OCIAD2: variants seen among roughly 807,000 people sequenced by gnomAD.
OCIAD2 encodes OCIA domain containing 2.
A neutral mutation model predicts 22.9 loss-of-function variants in OCIAD2; 29 were observed. The observed-to-expected ratio is 1.27, with a 90% CI of 0.94 to 1.73. The LOEUF is 1.73. Ranked by LOEUF, OCIAD2 falls within the 40% of genes most tolerant of loss-of-function variation. The pLI is 0.00. For synonymous variants in OCIAD2, 67 were observed against 60.2 expected, an observed-to-expected ratio of 1.11 and a Z score of -0.52; for missense variants, 189 against 180.3, an observed-to-expected ratio of 1.05 and a Z score of -0.28.
At position 48,887,514 on chromosome 4, in the gene OCIAD2, A is replaced by G. The variant is rs555767842; in HGVS notation, c.384-1949T>C. Among the ~76,000 whole-genome samples the G allele has an allele frequency of 1.8e-4, 28 of 152,324 alleles. No individual in the cohort carries two copies. The South Asian group carries it at 3.1e-3, about 17-fold the overall frequency. ...TAATCCATCTTGAATAAATTTTTGT[A>G]TAAGGTATAAGGAAGGGATCCAGTT... On this transcript the variant is annotated intron_variant, in intron 6 of 6. Coordinates refer to ENST00000508632, the MANE Select transcript of OCIAD2 (RefSeq NM_001014446.3).
intron 4 of OCIAD2, among the ~76,000 whole-genome samples, chr4:48,896,952 C>T (rs958342618): frequency 3.3e-5 from 5 of 152,078 alleles, no homozygotes; most frequent in Non-Finnish European, 7.4e-5. Flanking sequence ...CGCTAAGAGG[C>T]AGGGAGAGGT....
intron 6 of OCIAD2, among the ~76,000 whole-genome samples, chr4:48,886,295 T>C (rs1052499620): frequency 3.0e-4 from 45 of 152,358 alleles, no homozygotes; most frequent in Non-Finnish European, 4.1e-4. Context: ...ATCTCCTGTT[T>C]TGGTACCAGT....
At chr4:48,890,508 C>CAT (rs1196839167) in intron 6 of OCIAD2, among the ~76,000 whole-genome samples, 3 of 152,080 alleles carry the variant, frequency 2.0e-5, no homozygotes, top group Non-Finnish European at 2.9e-5. Context: ...CATATGTGCA[C>CAT]ATATATATAC....
At chr4:48,896,504 C>T (rs1462602117) in intron 4 of OCIAD2, among the ~76,000 whole-genome samples, 5 of 151,952 alleles carry the variant, frequency 3.3e-5, no homozygotes, top group East Asian at 1.9e-4. Context: ...GAGATGGGAG[C>T]GTCACTCGAG....
intron 6 of OCIAD2, among the ~76,000 whole-genome samples, chr4:48,890,231 A>G (rs1781129071): frequency 1.3e-5 from 2 of 152,032 alleles, no homozygotes; most frequent in South Asian, 4.2e-4. Flanking sequence ...TGTTGTGCAC[A>G]TGTACCCCAG....
Position 48,892,803 on chromosome 4 carries a change from G to A in OCIAD2, c.352C>T (p.Arg118Cys), listed in dbSNP as rs142606057. ...TGCTGTGGACCAAAACCAGCCCCACGGAGCTGATCTTCAAAAAAATGGAAT... is the reference window on the plus strand; with the variant it reads ...TGCTGTGGACCAAAACCAGCCCCACAGAGCTGATCTTCAAAAAAATGGAAT... ...SKFHFFEDQL[R>C]GAGFGPQHNR... The change falls in exon 6 of 7, where the codon CGT becomes TGT. Residue 118 changes from arginine to cysteine, a missense_variant. Physicochemically the swap from Arg to Cys is radical, Grantham distance 180. Transcript: ENST00000508632. 1.6e-4 allele frequency: 265 copies of A among 1,610,028 alleles called. 2 individuals carry two copies. Among genetic ancestry groups the A allele is most frequent in the South Asian group, 1.0e-3 (91 of 90,584 alleles).
chr4:48,890,072 C>A (rs1236095122), intron 6 of OCIAD2, among the ~76,000 whole-genome samples: 1 of 126,492 alleles, frequency 7.9e-6, no homozygotes, highest in African/African-American at 3.1e-5. Flanking sequence ...CACTTGGACA[C>A]AGGAAGGGGA....
intron 6 of OCIAD2, among the ~76,000 whole-genome samples, chr4:48,889,182 A>T (rs879849175): frequency 2.0e-4 from 31 of 152,148 alleles, no homozygotes; most frequent in South Asian, 4.1e-4. Flanking sequence ...ATCAGTGGTG[A>T]TATCCCCTTT....
chr4:48,888,552 T>C (rs969110268), intron 6 of OCIAD2, among the ~76,000 whole-genome samples: 16 of 152,354 alleles, frequency 1.1e-4, no homozygotes, highest in African/African-American at 2.2e-4. Context: ...TGAAGGGCTA[T>C]TGGATTTTGT....
At chr4:48,904,639 G>T in intron 1 of OCIAD2, 28 bp from the exon 2 acceptor site, 1 of 1,139,028 alleles carries the variant, frequency 8.8e-7, no homozygotes, top group Non-Finnish European at 1.3e-6. Context: ...GAATCACTAT[G>T]CCATGACTAA....
At chr4:48,893,030 C>G (rs1247973219) in intron 5 of OCIAD2, 141 bp from the exon 6 acceptor site, 1 of 555,312 alleles carries the variant, frequency 1.8e-6, no homozygotes, top group Non-Finnish European at 3.2e-6. Context: ...AATGAAGTCT[C>G]TATTTAAAAA....
intron 2 of OCIAD2, among the ~76,000 whole-genome samples, chr4:48,900,923 G>C (rs1221052101): frequency 6.6e-6 from 1 of 152,006 alleles, no homozygotes; most frequent in Non-Finnish European, 1.5e-5. Flanking sequence ...AAGTTCATAT[G>C]CTATCATCTA....
chr4:48,896,728 G>A (rs1781310703), intron 4 of OCIAD2, among the ~76,000 whole-genome samples: 1 of 151,856 alleles, frequency 6.6e-6, no homozygotes, highest in African/African-American at 2.4e-5. Context: ...GAGCCCAACA[G>A]TTTGAGGACA....
At chr4:48,905,778 G>A (rs1781511173) in intron 1 of OCIAD2, among the ~76,000 whole-genome samples, 1 of 152,222 alleles carries the variant, frequency 6.6e-6, no homozygotes, top group Admixed American at 6.5e-5. Context: ...TGTGATTACA[G>A]GGGCAGCACG....
Position 48,904,483 on chromosome 4 carries a change from C to T in OCIAD2, c.66+1G>A, listed in dbSNP as rs141238653. 3 of 1,613,190 alleles carry T rather than the reference C, an allele frequency of 1.9e-6. No individual in the cohort carries two copies. Among genetic ancestry groups the T allele is most frequent in the Non-Finnish European group, 2.5e-6 (3 of 1,179,160 alleles). ...ATCGATCAATAAATATAAAAGTATA[C>T]CTGCTTGCTTGGTGGTGGAAAATGG... On this transcript the variant is annotated splice_donor_variant, in intron 2 of 6. Coordinates refer to ENST00000508632, the MANE Select transcript of OCIAD2 (RefSeq NM_001014446.3). LOFTEE classifies it high-confidence loss of function.
chr4:48,887,913 A>G (rs928582404), intron 6 of OCIAD2, among the ~76,000 whole-genome samples: 1 of 152,118 alleles, frequency 6.6e-6, no homozygotes, highest in Non-Finnish European at 1.5e-5. Context: ...CATTGAATCT[A>G]TGAATTACCT....
At chr4:48,886,825 G>A (rs1302854712) in intron 6 of OCIAD2, among the ~76,000 whole-genome samples, 3 of 152,186 alleles carry the variant, frequency 2.0e-5, no homozygotes, top group Non-Finnish European at 4.4e-5. Context: ...CTTTATAGCA[G>A]CAGGCTTTAT....
intron 6 of OCIAD2, among the ~76,000 whole-genome samples, chr4:48,887,176 G>T (rs1172255864): frequency 1.3e-5 from 2 of 152,042 alleles, no homozygotes; most frequent in Non-Finnish European, 2.9e-5. Flanking sequence ...TTGCCCACTT[G>T]TTGATGGGGT....
Position 48,904,762 on chromosome 4 carries a change from C to T in OCIAD2, c.-62-151G>A. 8.3e-6 allele frequency: 5 copies of T among 603,496 alleles called. 1 individual carries two copies. In the South Asian group the frequency reaches 9.8e-5, roughly 12 times the overall value. The allele number at this position is 603,496 out of a possible 1,614,324, so 37.4% of individuals were successfully genotyped here. ...AAACTCAACTTCCAGTGCTCCTCTT[C>T]CACCAGCACACATACATGCACTCAC... On this transcript the variant is annotated intron_variant, in intron 1 of 6. Coordinates refer to ENST00000508632, the MANE Select transcript of OCIAD2 (RefSeq NM_001014446.3).
Sources: allele counts gnomAD v4.1 joint callset (sites outside exome capture counted in the v4.1 genomes callset), GRCh38; gene constraint gnomAD v4.1.1; transcripts MANE v1.5; gene names NCBI Gene and HGNC (gene_info 2026-07-23, HGNC 2026-07-21).